The following TBX5 variants were observed in gnomAD, a reference collection of about 807,000 sequenced individuals.
TBX5 encodes T-box transcription factor TBX5.
In TBX5, 8 loss-of-function variants were observed where a neutral mutation model predicts 51.1. That is an observed-to-expected ratio of 0.16 (90% confidence interval 0.09 to 0.28). The LOEUF (loss-of-function observed/expected upper bound fraction) is 0.28. Ranked by LOEUF, TBX5 falls within the 10% of genes least tolerant of loss-of-function variation. TBX5 has a pLI of 1.00. For synonymous variants in TBX5, 302 were observed against 266.4 expected, an observed-to-expected ratio of 1.13 and a Z score of -1.30; for missense variants, 589 against 671.7, an observed-to-expected ratio of 0.88 and a Z score of 1.36.
chr12:114,375,473 A>G (rs1026298547), intron 7 of TBX5, among the ~76,000 whole-genome samples: 7 of 152,238 alleles, frequency 4.6e-5, no homozygotes, highest in African/African-American at 1.7e-4. Context: ...AAAAATGGGC[A>G]AAAGACCTGA....
At chr12:114,361,624 T>C (rs530088438) in intron 8 of TBX5, among the ~76,000 whole-genome samples, 1 of 152,174 alleles carries the variant, frequency 6.6e-6, no homozygotes, top group Admixed American at 6.5e-5. Context: ...CCCTGTGACA[T>C]TTCATTGGGC....
intron 7 of TBX5, among the ~76,000 whole-genome samples, chr12:114,382,831 A>G (rs1306440870): frequency 6.6e-6 from 1 of 151,592 alleles, no homozygotes; most frequent in Non-Finnish European, 1.5e-5. Flanking sequence ...AAACATACAA[A>G]TTTAGTTGGG....
In TBX5 at chr12:114,361,860, C is replaced by T. The variant is rs1312948648; in HGVS notation, c.982+4305G>A. ...CAGAGAGCCCTCGGTTGGAATGTTCCCTGTCACTGGGAGCTCCCTTTTGGG... is the reference window on the plus strand; with the variant it reads ...CAGAGAGCCCTCGGTTGGAATGTTCTCTGTCACTGGGAGCTCCCTTTTGGG... On this transcript the variant is annotated intron_variant, in intron 8 of 8. Coordinates refer to ENST00000405440, the MANE Select transcript of TBX5 (RefSeq NM_181486.4). Among the ~76,000 whole-genome samples the T allele has an allele frequency of 1.5e-4, 23 of 152,080 alleles. 1 individual carries two copies. The highest frequency in any genetic ancestry group is 1.5e-3 in the Admixed American group (23 of 15,268).
intron 8 of TBX5, among the ~76,000 whole-genome samples, chr12:114,363,113 T>C (rs781121581): frequency 1.3e-5 from 2 of 152,232 alleles, no homozygotes; most frequent in Non-Finnish European, 2.9e-5. Flanking sequence ...TTTCTGTGGA[T>C]GATCTCATTT....
At chr12:114,385,929 G>A (rs908317131) in intron 6 of TBX5, among the ~76,000 whole-genome samples, 5 of 151,204 alleles carry the variant, frequency 3.3e-5, no homozygotes, top group African/African-American at 9.7e-5. Context: ...GGAAAGCTGT[G>A]CATGTTGACA....
intron 7 of TBX5, among the ~76,000 whole-genome samples, chr12:114,380,110 G>A (rs1870423097): frequency 6.6e-6 from 1 of 152,070 alleles, no homozygotes; most frequent in South Asian, 2.1e-4. Flanking sequence ...CTTCCCAACA[G>A]ATTCAGGTCC....
chr12:114,403,785 G>C lies in TBX5; in HGVS notation c.114C>G (p.Ser38=), dbSNP rs34014008. 6.2e-7 allele frequency: 1 copy of C among 1,613,848 alleles called. No individual in the cohort carries two copies. The highest frequency in any genetic ancestry group is 8.5e-7 in the Non-Finnish European group (1 of 1,180,026). The change falls in exon 2 of 9, where the codon TCC becomes TCG. Residue 38 remains serine (S), a synonymous_variant. Coordinates refer to ENST00000405440, the MANE Select transcript of TBX5 (RefSeq NM_181486.4). ...PESALGAPSK[S]PSSPQAAFTQ... is the part of the protein sequence containing the mutation. Reference sequence around the variant, plus strand: ...TGAAGGCGGCCTGCGGGGACGACGGGGACTTGCTGGGGGCCCCGAGCGCGC... The same window carrying C: ...TGAAGGCGGCCTGCGGGGACGACGGCGACTTGCTGGGGGCCCCGAGCGCGC...
intron 8 of TBX5, among the ~76,000 whole-genome samples, chr12:114,361,929 G>C (rs1008721742): frequency 1.2e-4 from 18 of 152,104 alleles, no homozygotes; most frequent in African/African-American, 4.1e-4. Context: ...AAAGGTGAAA[G>C]GATTTCTCCA....
In TBX5 at chr12:114,366,332, C is replaced by T. The variant is rs1461774121; in HGVS notation, c.815G>A (p.Ser272Asn). The T allele has an allele frequency of 3.1e-6, 5 of 1,613,952 alleles. No individual in the cohort carries two copies. Among genetic ancestry groups the T allele is most frequent in the Non-Finnish European group, 4.2e-6 (5 of 1,180,042 alleles). The change falls in exon 8 of 9, where the codon AGT becomes AAT. Residue 272 changes from serine (S) to asparagine (N), a missense_variant. Transcript: ENST00000405440. ...TVRQKVASNH[S>N]PFSSESRALS... is the part of the protein sequence containing the mutation. ...AGCTCGAGACTCGCTGCTGAAAGGA[C>T]TGTGGTTGGAGGCCACTTTTTGCCT...
At chr12:114,373,809 A>T (rs1014796162) in intron 7 of TBX5, among the ~76,000 whole-genome samples, 4 of 152,238 alleles carry the variant, frequency 2.6e-5, no homozygotes, top group African/African-American at 7.2e-5. Flanking sequence ...ATAGTCTAGT[A>T]CTGAACTGAA....
At chr12:114,362,212 T>C (rs889695888) in intron 8 of TBX5, among the ~76,000 whole-genome samples, 2 of 152,196 alleles carry the variant, frequency 1.3e-5, no homozygotes, top group African/African-American at 4.8e-5. Context: ...GCCAACTAAA[T>C]AGTCCTGTGC....
Position 114,394,792 on chromosome 12 carries a change from G to A in TBX5, c.612C>T (p.His204=), listed in dbSNP as rs200326827. The A allele has an allele frequency of 6.8e-6, 11 of 1,614,078 alleles. No individual in the cohort carries two copies. The highest frequency in any genetic ancestry group is 2.7e-5 in the African/African-American group (2 of 74,930). The part of the protein sequence containing the change: ...FGSKNTAFCT[H]VFPETAFIAV... ...CTATAAACGCAGTCTCAGGAAAGAC[G>A]TGAGTGCAGAACGCTGTATTTTTTG... Residue 204 remains histidine, a synonymous_variant, in exon 6 of 9, where the codon CAC becomes CAT. Transcript: ENST00000405440.
Position 114,398,653 on chromosome 12 carries a change from T to A in TBX5, c.430A>T (p.Thr144Ser). 6.2e-7 allele frequency: 1 copy of A among 1,613,208 alleles called. No homozygotes were observed. ...AGCTGCCTCATCCAATGCGCCCCGG[T>A]GGCGGGGGAGTCTGGGTGCACGTAC... is the stretch of plus-strand genomic sequence containing the variant. ...RLYVHPDSPATGAHWMRQLVS... is the reference protein window; with the variant it reads ...RLYVHPDSPASGAHWMRQLVS... Residue 144 changes from threonine to serine, a missense_variant, in exon 5 of 9, where the codon ACC becomes TCC. Thr to Ser is a moderately conservative substitution (Grantham distance 58). Around this residue, in one of 7 missense-constraint regions of TBX5, gnomAD observed 85 missense variants for 95.6 expected, o/e 0.89. Transcript: ENST00000405440.
At chr12:114,383,086 C>T (rs1870602478) in intron 7 of TBX5, among the ~76,000 whole-genome samples, 1 of 152,032 alleles carries the variant, frequency 6.6e-6, no homozygotes, top group African/African-American at 2.4e-5. Flanking sequence ...ACTTTCATAG[C>T]TGGCTGTCAT....
chr12:114,368,029 C>T (rs1020892611), intron 7 of TBX5, among the ~76,000 whole-genome samples: 94 of 152,158 alleles, frequency 6.2e-4, no homozygotes, highest in African/African-American at 2.2e-3. Context: ...TCCCAAACTT[C>T]AGTCAGACAC....
At chr12:114,373,947 C>T (rs1272468464) in intron 7 of TBX5, among the ~76,000 whole-genome samples, 3 of 152,212 alleles carry the variant, frequency 2.0e-5, no homozygotes, top group Non-Finnish European at 4.4e-5. Context: ...TCCTCCAAGG[C>T]CTCAATCCTT....
intron 2 of TBX5, among the ~76,000 whole-genome samples, chr12:114,402,358 G>GA (rs1871885991): frequency 1.3e-5 from 2 of 151,862 alleles, no homozygotes; most frequent in South Asian, 4.1e-4. Flanking sequence ...ACCTAATTTA[G>GA]AAAAACTAGG....
rs553743037 is a variant in TBX5 at position 114,397,683 on chromosome 12, C to T, written c.510+890G>A. On this transcript the variant is annotated intron_variant, in intron 5 of 8. Coordinates refer to ENST00000405440, the MANE Select transcript of TBX5 (RefSeq NM_181486.4). ...TCAGTTTCAGGAAATTCACCAGTCC[C>T]CTCTCTTGGGTCCAATCCAGACTCC... Among the ~76,000 whole-genome samples the T allele has an allele frequency of 9.9e-5, 15 of 152,284 alleles. 1 individual carries two copies. The East Asian group carries it at 1.7e-3, about 18-fold the overall frequency.
chr12:114,370,297 GA>G (rs1158624575), intron 7 of TBX5, among the ~76,000 whole-genome samples: 1 of 122,448 alleles, frequency 8.2e-6, no homozygotes, highest in Non-Finnish European at 1.8e-5. Context: ...AGAAAGAAAA[GA>G]AAAGAAAAGA....
Sources: gnomAD v4.1 joint callset for allele counts (sites outside exome capture counted in the v4.1 genomes callset) on GRCh38, gnomAD v4.1.1 for gene constraint, gnomAD v4.1.1 regional missense constraint, MANE v1.5 for transcripts, NCBI Gene and HGNC (gene_info 2026-07-23, HGNC 2026-07-21) for gene names.